ME3: variants seen among roughly 807,000 people sequenced by gnomAD.
ME3 encodes malic enzyme 3.
A neutral mutation model predicts 68.9 loss-of-function variants in ME3; 48 were observed. The observed-to-expected ratio is 0.70, with a 90% confidence interval of 0.55 to 0.89. The LOEUF (loss-of-function observed/expected upper bound fraction) is 0.89. ME3 is among the 40% of genes least tolerant of loss of function. The pLI is 0.00. For synonymous variants in ME3, 320 were observed against 318.8 expected, an observed-to-expected ratio of 1.00 and a Z score of -0.04; for missense variants, 675 against 797.4, an observed-to-expected ratio of 0.85 and a Z score of 1.85.
At position 86,671,654 on chromosome 11, in the gene ME3, C is replaced by T. The variant is rs931757462; in HGVS notation, c.183+108G>A. 1.6e-5 allele frequency: 22 copies of T among 1,406,114 alleles called. 1 individual carries two copies. The highest frequency in any genetic ancestry group is 7.7e-5 in the South Asian group (6 of 78,414). 87.1% of individuals were successfully genotyped at this position (1,406,114 alleles called of 1,614,324 possible). A position where few individuals can be genotyped will look rare whatever the true frequency, so the allele number is the denominator to read the frequency against. Reference sequence around the variant, plus strand: ...CCCTGCAAGGCAAAAACAGAAAAACCGCTGGAAGGGCGCCCGGGAGGATCC... The same window carrying T: ...CCCTGCAAGGCAAAAACAGAAAAACTGCTGGAAGGGCGCCCGGGAGGATCC... On this transcript the variant is annotated intron_variant, in intron 2 of 14. Transcript: ENST00000543262.
rs750161963 is a variant in ME3 at position 86,447,047 on chromosome 11, G to A, written c.1380+18C>T. The A allele has an allele frequency of 7.4e-6, 12 of 1,612,256 alleles. No homozygotes were observed. On this transcript the variant is annotated intron_variant, in intron 12 of 14. Coordinates refer to ENST00000543262, the Ensembl canonical transcript of ME3. ...ACTATGTCCTCTCAGCCGGGGGAAG[G>A]AAGGACTCCCCGCTGACCTCGGTGA...
At chr11:86,519,192 CAA>C (rs1831532886) in intron 4 of ME3, among the ~76,000 whole-genome samples, 1 of 152,144 alleles carries the variant, frequency 6.6e-6, no homozygotes, top group African/African-American at 2.4e-5. Context: ...TCTTAAAGCT[CAA>C]AGTCTGTTGG....
At chr11:86,575,370 C>A (rs79053504) in intron 2 of ME3, among the ~76,000 whole-genome samples, 5,101 of 147,126 alleles carry the variant, frequency 0.035, 602 homozygotes, top group Middle Eastern at 0.087. Context: ...GGAGTTATTT[C>A]TCTAGACCTT....
At chr11:86,502,981 T>G (rs973670028) in intron 5 of ME3, among the ~76,000 whole-genome samples, 1 of 152,180 alleles carries the variant, frequency 6.6e-6, no homozygotes, top group South Asian at 2.1e-4. Flanking sequence ...CAGTGCTGTT[T>G]ATACAACCCT....
intron 4 of ME3, among the ~76,000 whole-genome samples, chr11:86,534,718 C>T (rs781356752): frequency 1.1e-4 from 17 of 152,080 alleles, no homozygotes; most frequent in East Asian, 5.8e-4. Flanking sequence ...TTAAAACACA[C>T]GCTGCACAAC....
intron 13 of ME3, 65 bp from the exon 14 acceptor site, chr11:86,442,984 C>A: frequency 7.5e-7 from 1 of 1,338,004 alleles, no homozygotes; most frequent in Non-Finnish European, 1.1e-6. Context: ...CAAGCCCAAC[C>A]CGTTACCCCA....
intron 2 of ME3, among the ~76,000 whole-genome samples, chr11:86,660,661 T>C (rs531621646): frequency 8.5e-4 from 130 of 152,256 alleles, no homozygotes; most frequent in African/African-American, 3.1e-3. Context: ...TCACACAAAA[T>C]TGATTCTAGC....
Position 86,672,316 on chromosome 11 carries a change from T to G in ME3, c.-15+8A>C. The G allele has an allele frequency of 5.1e-6, 1 of 195,436 alleles. No individual in the cohort carries two copies. Among genetic ancestry groups the G allele is most frequent in the Non-Finnish European group, 1.0e-5 (1 of 97,352 alleles). The allele number at this position is 195,436 out of a possible 1,614,324, so 12.1% of individuals were successfully genotyped here. On this transcript the variant is annotated splice_region_variant and intron_variant, in intron 1 of 14. Coordinates refer to ENST00000543262, the Ensembl canonical transcript of ME3. ...GGCTTGCCTCGGTCCTCTCCTTCCCTGGCCCACCTGCGCTGCTCGGGGAGC... is the reference window on the plus strand; with the variant it reads ...GGCTTGCCTCGGTCCTCTCCTTCCCGGGCCCACCTGCGCTGCTCGGGGAGC...
intron 2 of ME3, among the ~76,000 whole-genome samples, chr11:86,610,948 G>C (rs1261597334): frequency 6.6e-6 from 1 of 152,198 alleles, no homozygotes; most frequent in African/African-American, 2.4e-5. Flanking sequence ...GGCAGCTGTA[G>C]CACTGGGGTC....
In ME3 at chr11:86,621,650, C is replaced by A. The variant is rs541501412; in HGVS notation, c.183+50112G>T. Among the ~76,000 whole-genome samples, 126 of 151,810 alleles carry A rather than the reference C, an allele frequency of 8.3e-4. 1 individual carries two copies. The highest frequency in any genetic ancestry group is 1.5e-3 in the Non-Finnish European group (104 of 68,010). On this transcript the variant is annotated intron_variant, in intron 2 of 14. Transcript: ENST00000543262. Reference sequence around the variant, plus strand: ...TTGTTTTTGTGAATAGGGTTGTATTCAAATTCAAGCTGACTTAAAATATAA... The same window carrying A: ...TTGTTTTTGTGAATAGGGTTGTATTAAAATTCAAGCTGACTTAAAATATAA...
At chr11:86,529,200 A>G (rs1214706811) in intron 4 of ME3, among the ~76,000 whole-genome samples, 1 of 152,244 alleles carries the variant, frequency 6.6e-6, no homozygotes, top group Admixed American at 6.5e-5. Flanking sequence ...ACAGAAATAC[A>G]AACTACCATC....
chr11:86,569,818 A>T (rs1016234411), intron 2 of ME3, among the ~76,000 whole-genome samples: 7 of 152,198 alleles, frequency 4.6e-5, no homozygotes, highest in Non-Finnish European at 8.8e-5. Flanking sequence ...TCACACAGCA[A>T]GCTGGTGGGA....
intron 13 of ME3, among the ~76,000 whole-genome samples, chr11:86,443,762 T>C (rs1949136195): frequency 6.6e-6 from 1 of 152,222 alleles, no homozygotes; most frequent in Non-Finnish European, 1.5e-5. Flanking sequence ...CCTCTCTACC[T>C]CCTTCTCACA....
intron 2 of ME3, among the ~76,000 whole-genome samples, chr11:86,573,868 T>C (rs1202983841): frequency 6.6e-6 from 1 of 152,232 alleles, no homozygotes; most frequent in Admixed American, 6.5e-5. Flanking sequence ...TGAAGGCCTT[T>C]TCTGCATCTA....
chr11:86,554,301 C>G (rs1261635462), intron 4 of ME3, among the ~76,000 whole-genome samples: 9 of 152,166 alleles, frequency 5.9e-5, no homozygotes, highest in Admixed American at 5.9e-4. Context: ...TCCATTAGAT[C>G]TCAGTCAGGG....
At chr11:86,638,237 GA>G (rs1944463595) in intron 2 of ME3, among the ~76,000 whole-genome samples, 1 of 152,198 alleles carries the variant, frequency 6.6e-6, no homozygotes, top group Non-Finnish European at 1.5e-5. Flanking sequence ...TGTGGTACTG[GA>G]AACTTCCTCC....
intron 5 of ME3, among the ~76,000 whole-genome samples, chr11:86,507,570 C>T (rs1001905426): frequency 2.0e-5 from 3 of 152,180 alleles, no homozygotes; most frequent in African/African-American, 7.2e-5. Context: ...CCAGAAGTAA[C>T]AATGATCTTA....
chr11:86,542,647 G>A (rs556088454), intron 4 of ME3, among the ~76,000 whole-genome samples: 1 of 152,150 alleles, frequency 6.6e-6, no homozygotes, highest in African/African-American at 2.4e-5. Flanking sequence ...AAGAAATATG[G>A]TATATGTGAA....
chr11:86,464,807 GA>G (rs1273264111), intron 8 of ME3, among the ~76,000 whole-genome samples: 2 of 152,226 alleles, frequency 1.3e-5, no homozygotes, highest in Non-Finnish European at 2.9e-5. Flanking sequence ...ACTTGCTAGT[GA>G]ATTACAGCAT....
Sources: allele counts gnomAD v4.1 joint callset (sites outside exome capture counted in the v4.1 genomes callset), GRCh38; gene constraint gnomAD v4.1.1; transcripts MANE v1.5; gene names NCBI Gene and HGNC (gene_info 2026-07-23, HGNC 2026-07-21).